The following PRKD3 variants were observed in gnomAD, a reference collection of about 807,000 sequenced individuals.
PRKD3 encodes serine/threonine-protein kinase D3.
PRKD3 carries 47 observed loss-of-function variants against 99.2 expected under a neutral mutation model. The ratio of observed to expected loss-of-function variants is 0.47; its 90% CI spans 0.38 to 0.60. The LOEUF (loss-of-function observed/expected upper bound fraction) is 0.60, where lower values mean the gene tolerates loss of function less well. PRKD3 is among the 20% of genes least tolerant of loss of function. PRKD3 has a pLI of 0.00. For missense variants in PRKD3, 1,019 were observed against 1,088.4 expected (o/e 0.94, Z 0.90); for synonymous variants, 392 against 355.4 (o/e 1.10, Z -1.16).
intron 14 of PRKD3, among the ~76,000 whole-genome samples, chr2:37,264,472 G>A (rs1453282624): frequency 7.0e-6 from 1 of 142,622 alleles, no homozygotes; most frequent in African/African-American, 2.5e-5. Flanking sequence ...CTAGTATGAA[G>A]GTGATAAGTG....
chr2:37,309,109 T>C (rs1671301034), intron 2 of PRKD3, among the ~76,000 whole-genome samples: 1 of 152,188 alleles, frequency 6.6e-6, no homozygotes, highest in African/African-American at 2.4e-5. Context: ...CAGTCTTCCT[T>C]TTTCAGGAAC....
chr2:37,299,334 A>C (rs1670810539), intron 2 of PRKD3, among the ~76,000 whole-genome samples: 1 of 152,120 alleles, frequency 6.6e-6, no homozygotes, highest in South Asian at 2.1e-4. Context: ...TAAGACCTGA[A>C]AAGCACAGGT....
intron 3 of PRKD3, 63 bp from the exon 4 acceptor site, chr2:37,291,062 T>G: frequency 7.3e-7 from 1 of 1,373,562 alleles, no homozygotes; most frequent in Non-Finnish European, 9.8e-7. Context: ...TTAAGAATGC[T>G]CACACATTCA....
At position 37,291,916 on chromosome 2, in the gene PRKD3, C is replaced by G. The variant is rs555255241; in HGVS notation, c.428-917G>C. 2.6e-5 allele frequency among the ~76,000 whole-genome samples: 4 copies of G among 152,290 alleles called. No homozygotes were observed. In the South Asian group the frequency reaches 6.2e-4, roughly 24 times the overall value. On this transcript the variant is annotated intron_variant, in intron 3 of 18. Coordinates refer to ENST00000234179, the MANE Select transcript of PRKD3 (RefSeq NM_005813.6). ...AGACCTACTATGTGCATTATTATGG[C>G]ATTCTTTCTTCCTTTTCACTCCTTA...
intron 2 of PRKD3, among the ~76,000 whole-genome samples, chr2:37,295,110 T>C (rs145789781): frequency 1.4e-4 from 21 of 152,236 alleles, no homozygotes; most frequent in African/African-American, 5.1e-4. Flanking sequence ...CACTCTACTA[T>C]TTGTATAAAT....
At chr2:37,320,714 G>C (rs28710795) in intron 1 of PRKD3, among the ~76,000 whole-genome samples, 2 of 152,038 alleles carry the variant, frequency 1.3e-5, no homozygotes, top group Non-Finnish European at 2.9e-5. Context: ...TTACAGGCGT[G>C]AGCCACTGCA....
chr2:37,310,842 G>C (rs143126182), intron 2 of PRKD3, among the ~76,000 whole-genome samples: 278 of 152,260 alleles, frequency 1.8e-3, no homozygotes, highest in Non-Finnish European at 9.6e-4. Context: ...GCATTATTTT[G>C]TAAGTAATCT....
intron 2 of PRKD3, among the ~76,000 whole-genome samples, chr2:37,312,961 T>C (rs765540320): frequency 1.3e-5 from 2 of 152,124 alleles, no homozygotes; most frequent in African/African-American, 2.4e-5. Context: ...ATAACAATAA[T>C]TGACTGCATG....
At chr2:37,260,177 A>T in intron 15 of PRKD3, 46 bp downstream of exon 15, 1 of 1,515,000 alleles carries the variant, frequency 6.6e-7, no homozygotes, top group South Asian at 1.2e-5. Flanking sequence ...AAAAAAAAAA[A>T]TTAGTTTTTA....
In PRKD3 at chr2:37,317,160, CTTT is replaced by C. The variant is rs1671702328; in HGVS notation, c.-639_-637del. The C allele has an allele frequency of 2.0e-6, 2 of 983,932 alleles. No homozygotes were observed. The highest frequency in any genetic ancestry group is 2.4e-6 in the Non-Finnish European group (2 of 828,810). 61.0% of individuals were successfully genotyped at this position (983,932 alleles called of 1,614,324 possible). On this transcript the variant is annotated 5_prime_UTR_variant, in exon 2 of 19. Coordinates refer to ENST00000234179, the MANE Select transcript of PRKD3 (RefSeq NM_005813.6). Reference sequence around the variant, plus strand: ...ATGGGTCCATCGAGAAAAGCTGATGCTTTCTGACATATAGTTAGCCTGGAAGGA... The same window carrying C: ...ATGGGTCCATCGAGAAAAGCTGATGCCTGACATATAGTTAGCCTGGAAGGA...
chr2:37,256,640 T>A (rs767608885), intron 17 of PRKD3, 22 bp downstream of exon 17: 552 of 1,359,386 alleles, frequency 4.1e-4, no homozygotes, highest in South Asian at 1.6e-3. Flanking sequence ...TTTTTTTTTT[T>A]TTTTTTTTTT....
intron 11 of PRKD3, among the ~76,000 whole-genome samples, chr2:37,273,669 T>C (rs1292007075): frequency 6.6e-6 from 1 of 152,246 alleles, no homozygotes; most frequent in Non-Finnish European, 1.5e-5. Context: ...ATAATAGTTG[T>C]ACAAAATAAT....
rs1372139300 is a variant in PRKD3, at chr2:37,316,497, C to A, written c.28G>T (p.Ala10Ser). MSANNSPPSAQKSVLPTAIP... is the reference protein window; with the variant it reads MSANNSPPSSQKSVLPTAIP... ...GCTGTGGGTAATACAGACTTCTGGG[C>A]TGATGGAGGGGAATTATTTGCAGAC... is the stretch of plus-strand genomic sequence containing the variant. The change falls in exon 2 of 19, where the codon GCC (alanine) becomes TCC (serine). Residue 10 changes from alanine to serine, a missense_variant. Ala to Ser is a moderately conservative substitution (Grantham distance 99). Around this residue, in one of 3 missense-constraint regions of PRKD3, gnomAD observed 710 missense variants for 692.7 expected, o/e 1.02. Coordinates refer to ENST00000234179, the MANE Select transcript of PRKD3 (RefSeq NM_005813.6). 1.2e-6 allele frequency: 2 copies of A among 1,613,908 alleles called. No individual in the cohort carries two copies. Among genetic ancestry groups the A allele is most frequent in the South Asian group, 1.1e-5 (1 of 91,030 alleles).
intron 14 of PRKD3, 139 bp from the exon 15 acceptor site, chr2:37,260,523 A>T (rs926124165): frequency 6.2e-6 from 5 of 801,330 alleles, no homozygotes; most frequent in Middle Eastern, 3.3e-4. Context: ...TAAAAATTAC[A>T]ATCAATGAAA....
chr2:37,291,097 T>A, intron 3 of PRKD3, 98 bp from the exon 4 acceptor site: 1 of 1,169,016 alleles, frequency 8.6e-7, no homozygotes, highest in Non-Finnish European at 1.2e-6. Flanking sequence ...CACAGAATCA[T>A]TTTTTCTCTG....
chr2:37,304,147 T>C (rs957140266), intron 2 of PRKD3, among the ~76,000 whole-genome samples: 4 of 151,322 alleles, frequency 2.6e-5, no homozygotes, highest in Admixed American at 2.6e-4. Flanking sequence ...TATTCTCTTT[T>C]CATGTTCCTC....
At chr2:37,276,046 C>T (rs950002480) in intron 9 of PRKD3, among the ~76,000 whole-genome samples, 1 of 152,020 alleles carries the variant, frequency 6.6e-6, no homozygotes, top group Non-Finnish European at 1.5e-5. Flanking sequence ...CACTCCTCAC[C>T]CTTACTCCAG....
intron 2 of PRKD3, among the ~76,000 whole-genome samples, chr2:37,309,119 C>T (rs1671301217): frequency 6.6e-6 from 1 of 152,062 alleles, no homozygotes; most frequent in South Asian, 2.1e-4. Flanking sequence ...TTTTCAGGAA[C>T]ATAAGAAGAC....
In PRKD3 at chr2:37,316,770, C is replaced by G; in HGVS notation, c.-246G>C. 4 of 1,337,184 alleles carry G rather than the reference C, an allele frequency of 3.0e-6. No homozygotes were observed. The South Asian group carries it at 7.1e-5, about 24-fold the overall frequency. 82.8% of individuals were successfully genotyped at this position (1,337,184 alleles called of 1,614,324 possible). On this transcript the variant is annotated 5_prime_UTR_variant, in exon 2 of 19. Coordinates refer to ENST00000234179, the MANE Select transcript of PRKD3 (RefSeq NM_005813.6). ...AGCAGTCTTGTCTGTAGGAAGACAA[C>G]CAGGGATTTGTAAAGGATTTAACAT...
Sources: gnomAD v4.1 joint callset for allele counts (sites outside exome capture counted in the v4.1 genomes callset) on GRCh38, gnomAD v4.1.1 for gene constraint, gnomAD v4.1.1 regional missense constraint, MANE v1.5 for transcripts, NCBI Gene and HGNC (gene_info 2026-07-23, HGNC 2026-07-21) for gene names.